The following PATL2 variants were observed in gnomAD, a reference collection of about 807,000 sequenced individuals.
PATL2 encodes the protein protein PAT1 homolog 2.
A neutral mutation model predicts 77.0 loss-of-function variants in PATL2; 73 were observed. That is an observed-to-expected ratio of 0.95 (90% confidence interval 0.78 to 1.15). The LOEUF is 1.15. Ranked by LOEUF, PATL2 falls within the 50% of genes most tolerant of loss-of-function variation. The pLI, the probability that PATL2 is intolerant of heterozygous loss-of-function variation, is 0.00. For missense variants in PATL2, 618 were observed against 655.4 expected (o/e 0.94, Z 0.62); for synonymous variants, 265 against 257.1 (o/e 1.03, Z -0.29).
chr15:44,703,949 A>T (rs1162879167), intron 3 of PATL2, among the ~76,000 whole-genome samples: 2 of 150,878 alleles, frequency 1.3e-5, no homozygotes, highest in Non-Finnish European at 3.0e-5. Flanking sequence ...GTATTTAAAA[A>T]TTTCTTGCTT....
intron 3 of PATL2, among the ~76,000 whole-genome samples, chr15:44,705,229 C>T (rs551727898): frequency 1.3e-5 from 2 of 152,146 alleles, no homozygotes; most frequent in South Asian, 4.2e-4. Flanking sequence ...GTTGTCCAGG[C>T]TGGAGTGCAG....
In PATL2 at chr15:44,665,999, A is replaced by G. The variant is rs896717271; in HGVS notation, c.1614-28T>C. 5.3e-6 allele frequency: 8 copies of G among 1,502,104 alleles called. No individual in the cohort carries two copies. The Admixed American group carries it at 1.9e-4, about 36-fold the overall frequency. 93.0% of individuals were successfully genotyped at this position (1,502,104 alleles called of 1,614,324 possible). Reference sequence around the variant, plus strand: ...ATAAAGAGAACAGATATTAACTGCAAGCACAATTCTACTTTGCAAGTATTT... The same window carrying G: ...ATAAAGAGAACAGATATTAACTGCAGGCACAATTCTACTTTGCAAGTATTT... On this transcript the variant is annotated intron_variant, in intron 17 of 17. Transcript: ENST00000682850.
rs933165876 is a variant in PATL2, at chr15:44,703,723, C to CTTTTTT, written c.-76+6367_-76+6372dup. 2.7e-3 allele frequency among the ~76,000 whole-genome samples: 90 copies of CTTTTTT among 33,014 alleles called. 13 individuals carry two copies. The highest frequency in any genetic ancestry group is 7.1e-3 in the African/African-American group (70 of 9,812). The allele number at this position is 33,014 out of a possible 152,430, so 21.7% of individuals were successfully genotyped here. A position where few individuals can be genotyped will look rare whatever the true frequency, so the allele number is the denominator to read the frequency against. On this transcript the variant is annotated intron_variant, in intron 3 of 17. Coordinates refer to ENST00000682850, the MANE Select transcript of PATL2 (RefSeq NM_001387263.1). ...GTAGGCAACAAATCACCGGGTCTTG[C>CTTTTTT]TTTTTTTTTTTTTTTTTTTTTTTTT...
chr15:44,674,577 T>A (rs1005636858), intron 5 of PATL2, among the ~76,000 whole-genome samples: 34 of 151,750 alleles, frequency 2.2e-4, no homozygotes, highest in Admixed American at 1.2e-3. Flanking sequence ...TTAAAAAAAA[T>A]TTTTTTTAGA....
intron 5 of PATL2, 83 bp downstream of exon 5, chr15:44,675,403 A>G: frequency 7.0e-7 from 1 of 1,419,836 alleles, no homozygotes; most frequent in African/African-American, 1.4e-5. Flanking sequence ...AAGGGTAGAA[A>G]AGAGAAGAGG....
At chr15:44,704,254 C>G (rs912597480) in intron 3 of PATL2, among the ~76,000 whole-genome samples, 5 of 150,714 alleles carry the variant, frequency 3.3e-5, no homozygotes, top group African/African-American at 1.2e-4. Flanking sequence ...GAGCTCAAGC[C>G]AAAGGCCTGC....
At chr15:44,701,363 G>A (rs930896294) in intron 3 of PATL2, among the ~76,000 whole-genome samples, 2 of 151,652 alleles carry the variant, frequency 1.3e-5, no homozygotes, top group African/African-American at 4.9e-5. Flanking sequence ...AATAGTTTGA[G>A]TAGGGTTGGT....
chr15:44,668,542 T>TGC (rs2085500340), intron 14 of PATL2, 60 bp from the exon 15 acceptor site: 1 of 1,526,774 alleles, frequency 6.5e-7, no homozygotes, highest in African/African-American at 1.4e-5. Context: ...CCCCTTACCT[T>TGC]GCTTCCACAG....
At chr15:44,682,105 G>A (rs977431890) in intron 3 of PATL2, among the ~76,000 whole-genome samples, 3 of 152,214 alleles carry the variant, frequency 2.0e-5, no homozygotes, top group African/African-American at 4.8e-5. Flanking sequence ...TATTGAAAGT[G>A]TGTATCTTAG....
chr15:44,684,053 T>TAA (rs200273646), intron 3 of PATL2, among the ~76,000 whole-genome samples: 1,462 of 124,974 alleles, frequency 0.012, 20 homozygotes, highest in African/African-American at 0.04. Context: ...AGCATCAACA[T>TAA]AAAAAAAAAA....
intron 3 of PATL2, among the ~76,000 whole-genome samples, chr15:44,698,562 GAATTCACCCTTT>G (rs1023845898): frequency 1.1e-4 from 16 of 151,892 alleles, no homozygotes; most frequent in African/African-American, 3.9e-4. Context: ...CAAATGACAA[GAATTCACCCTTT>G]AATTCACCCT....
chr15:44,684,796 C>T (rs916178299), intron 3 of PATL2, among the ~76,000 whole-genome samples: 1 of 152,188 alleles, frequency 6.6e-6, no homozygotes, highest in Non-Finnish European at 1.5e-5. Flanking sequence ...ACATAATCAT[C>T]AGATCCACCA....
chr15:44,682,790 C>T (rs57451506), intron 3 of PATL2, among the ~76,000 whole-genome samples: 1,813 of 152,266 alleles, frequency 0.012, 37 homozygotes, highest in East Asian at 0.035. Context: ...AATCTCAAAA[C>T]GGTGGCTGGC....
At chr15:44,686,854 GGAA>G (rs1184195969) in intron 3 of PATL2, among the ~76,000 whole-genome samples, 4 of 152,046 alleles carry the variant, frequency 2.6e-5, no homozygotes, top group Admixed American at 6.6e-5. Context: ...GACTAAACCA[GGAA>G]GAAGTTGAAT....
chr15:44,680,991 G>A (rs752877674), intron 3 of PATL2, among the ~76,000 whole-genome samples: 13 of 152,186 alleles, frequency 8.5e-5, no homozygotes, highest in South Asian at 2.1e-4. Flanking sequence ...TAGTTACTCC[G>A]CAGAGACTTT....
At chr15:44,666,627 C>A in intron 16 of PATL2, 86 bp from the exon 17 acceptor site, 5 of 1,351,358 alleles carry the variant, frequency 3.7e-6, no homozygotes, top group Non-Finnish European at 4.9e-6. Flanking sequence ...CTTTCCGTTA[C>A]TACTACCATT....
chr15:44,669,522 G>A lies in PATL2; in HGVS notation c.918C>T (p.Tyr306=). Residue 306 remains tyrosine, a synonymous_variant, in exon 12 of 18, where the codon TAC becomes TAT. Coordinates refer to ENST00000682850, the MANE Select transcript of PATL2 (RefSeq NM_001387263.1). ...AASSQRLRVL[Y]RIEKMFLQLL... ...ACTGATATCTCACCTTCTCAATCCG[G>A]TATAATACCCGAAGCCTCTGACTGC... The A allele has an allele frequency of 3.9e-6, 6 of 1,551,336 alleles. No homozygotes were observed. The highest frequency in any genetic ancestry group is 5.2e-6 in the Non-Finnish European group (6 of 1,146,912).
rs1326344571 is a variant in PATL2 at position 44,669,393 on chromosome 15, T to C, written c.951A>G (p.Glu317=). The stretch of plus-strand genomic sequence containing the variant: ...GCCTATACTTCCAGCCTTCCTCTAT[T>C]TCTAGTAACTGAAGGAACATCTGGG... ...RIEKMFLQLL[E]IEEGWKYRPP... is the part of the protein sequence containing the mutation. The change falls in exon 13 of 18, where the codon GAA becomes GAG. Residue 317 remains glutamate (E), a synonymous_variant. Coordinates refer to ENST00000682850, the MANE Select transcript of PATL2 (RefSeq NM_001387263.1). 3.2e-6 allele frequency: 5 copies of C among 1,550,856 alleles called. No homozygotes were observed. Among genetic ancestry groups the C allele is most frequent in the African/African-American group, 1.4e-5 (1 of 73,042 alleles).
intron 3 of PATL2, among the ~76,000 whole-genome samples, chr15:44,690,680 A>G (rs2086370866): frequency 6.6e-6 from 1 of 152,144 alleles, no homozygotes; most frequent in South Asian, 2.1e-4. Context: ...AGTCATTTAA[A>G]AAAACTTATG....
Sources: gnomAD v4.1 joint callset for allele counts (sites outside exome capture counted in the v4.1 genomes callset) on GRCh38, gnomAD v4.1.1 for gene constraint, MANE v1.5 for transcripts, NCBI Gene and HGNC (gene_info 2026-07-23, HGNC 2026-07-21) for gene names.